The following DIAPH2 variants were observed in gnomAD, a reference collection of about 807,000 sequenced individuals.
The protein encoded by DIAPH2 is protein diaphanous homolog 2.
Under a neutral mutation model 92.7 loss-of-function variants are expected in DIAPH2, and 35 were observed. That is an observed-to-expected ratio of 0.38 (90% CI 0.29 to 0.50). The LOEUF (loss-of-function observed/expected upper bound fraction) is 0.50. Among genes scored for constraint, DIAPH2 ranks in the 20% least tolerant of loss-of-function variants. The pLI is 0.94. For synonymous variants in DIAPH2, 301 were observed against 280.4 expected (o/e 1.07, Z -0.73); for missense variants, 701 against 819.5 (o/e 0.86, Z 1.77).
chrX:96,759,399 G>A (rs1373449838), intron 4 of DIAPH2, among the ~76,000 whole-genome samples: 1 of 111,481 alleles, frequency 9.0e-6, no homozygotes, highest in Non-Finnish European at 1.9e-5. Flanking sequence ...GCAACAGCAT[G>A]TTTTTAAATT....
At chrX:96,759,389 G>A (rs2064253640) in intron 4 of DIAPH2, among the ~76,000 whole-genome samples, 1 of 111,488 alleles carries the variant, frequency 9.0e-6, no homozygotes, top group South Asian at 3.7e-4. Flanking sequence ...CCATAGCAGA[G>A]CAACAGCATG....
chrX:97,127,050 A>G (rs1243137950), intron 21 of DIAPH2, among the ~76,000 whole-genome samples: 1 of 112,510 alleles, frequency 8.9e-6, no homozygotes, highest in African/African-American at 3.2e-5. Context: ...AAATATTAGT[A>G]TTTTAAATTT....
intron 22 of DIAPH2, among the ~76,000 whole-genome samples, chrX:97,158,161 A>G (rs1416420723): frequency 8.9e-6 from 1 of 112,123 alleles, no homozygotes; most frequent in African/African-American, 3.2e-5. Flanking sequence ...AAAATGGGAA[A>G]TGACTGTGAT....
intron 1 of DIAPH2, among the ~76,000 whole-genome samples, chrX:96,721,916 A>G (rs915180123): frequency 8.9e-6 from 1 of 112,513 alleles, no homozygotes; most frequent in African/African-American, 3.2e-5. Context: ...TGCCTGGCAC[A>G]TAGAAGGTGC....
chrX:96,865,199 A>C (rs2065097058), intron 4 of DIAPH2, among the ~76,000 whole-genome samples: 1 of 112,213 alleles, frequency 8.9e-6, no homozygotes, highest in African/African-American at 3.2e-5. Flanking sequence ...TTTTTTGTTA[A>C]GATGCCATTT....
chrX:97,477,010 CACACACACACACACAT>C (rs2070613356), intron 26 of DIAPH2, among the ~76,000 whole-genome samples: 3 of 95,069 alleles, frequency 3.2e-5, no homozygotes, highest in East Asian at 6.4e-4. Flanking sequence ...CACACACACA[CACACACACACACACAT>C]ACACACACAC....
At position 97,452,971 on chromosome X, in the gene DIAPH2, A is replaced by G. The variant is rs141124116; in HGVS notation, c.3241+23226A>G. On this transcript the variant is annotated intron_variant, in intron 26 of 26. Coordinates refer to ENST00000324765, the MANE Select transcript of DIAPH2 (RefSeq NM_006729.5). The stretch of plus-strand genomic sequence containing the variant: ...TTTCTCTTTTAAAATGTTTTCCATT[A>G]TTAAAGGTAATGTATGTTCATTGTA... Among the ~76,000 whole-genome samples, 940 of 112,064 alleles carry G rather than the reference A, an allele frequency of 8.4e-3. 16 individuals are homozygous for G. Among genetic ancestry groups the G allele is most frequent in the African/African-American group, 0.029 (890 of 30,910 alleles).
intron 23 of DIAPH2, among the ~76,000 whole-genome samples, chrX:97,340,077 C>T (rs2069099556): frequency 9.0e-6 from 1 of 111,496 alleles, no homozygotes; most frequent in Non-Finnish European, 1.9e-5. Context: ...ATCATCCTCC[C>T]CAGAGTGTCC....
chrX:97,493,737 T>C (rs890991436), intron 26 of DIAPH2, among the ~76,000 whole-genome samples: 3 of 103,397 alleles, frequency 2.9e-5, no homozygotes, highest in African/African-American at 1.1e-4. Context: ...ATTACAAAAA[T>C]TAGCCAGTTG....
intron 22 of DIAPH2, among the ~76,000 whole-genome samples, chrX:97,193,010 TTC>T (rs1455879042): frequency 2.0e-5 from 2 of 102,251 alleles, no homozygotes; most frequent in African/African-American, 8.1e-5. Context: ...TCTTTTTCTT[TTC>T]TTTTTTTTTT....
At chrX:96,700,386 C>G (rs564903729) in intron 1 of DIAPH2, among the ~76,000 whole-genome samples, 2 of 112,353 alleles carry the variant, frequency 1.8e-5, no homozygotes, top group South Asian at 7.3e-4. Flanking sequence ...GCTTTGTTTG[C>G]CTTCCATCTC....
At chrX:97,176,859 G>A (rs1339747960) in intron 22 of DIAPH2, among the ~76,000 whole-genome samples, 1 of 111,742 alleles carries the variant, frequency 8.9e-6, no homozygotes, top group Admixed American at 9.5e-5. Context: ...TGCAGATTCC[G>A]AAATTCGTGG....
intron 19 of DIAPH2, among the ~76,000 whole-genome samples, chrX:97,086,874 G>A (rs1365178257): frequency 2.7e-5 from 3 of 111,227 alleles, no homozygotes; most frequent in Non-Finnish European, 5.7e-5. Flanking sequence ...TGTTTGACCT[G>A]TTTTTCCTTG....
intron 26 of DIAPH2, among the ~76,000 whole-genome samples, chrX:97,431,057 A>G (rs921391958): frequency 5.2e-4 from 58 of 112,267 alleles, no homozygotes; most frequent in African/African-American, 1.9e-3. Flanking sequence ...GTCTGTATTT[A>G]TAAGTTCATA....
chrX:96,888,544 G>GAT (rs1223926440), intron 5 of DIAPH2, among the ~76,000 whole-genome samples: 1 of 91,284 alleles, frequency 1.1e-5, no homozygotes, highest in Non-Finnish European at 2.1e-5. Context: ...TATACATACA[G>GAT]ATATATATAT....
chrX:97,441,205 C>T (rs893422017), intron 26 of DIAPH2, among the ~76,000 whole-genome samples: 74 of 108,863 alleles, frequency 6.8e-4, no homozygotes, highest in African/African-American at 2.3e-3. Context: ...CACCTGAGGT[C>T]GGGAGTTCGA....
chrX:97,582,508 T>A (rs2071447555), intron 26 of DIAPH2, among the ~76,000 whole-genome samples: 1 of 110,795 alleles, frequency 9.0e-6, no homozygotes, highest in African/African-American at 3.3e-5. Context: ...TGGCCCCCAC[T>A]CTCTTCTGGC....
chrX:97,136,247 T>C (rs2067169455), intron 21 of DIAPH2, among the ~76,000 whole-genome samples: 2 of 111,998 alleles, frequency 1.8e-5, no homozygotes, highest in Non-Finnish European at 3.8e-5. Context: ...ACACTTCTTA[T>C]CTGGATGATG....
chrX:96,954,566 G>A (rs2065797804), intron 15 of DIAPH2, among the ~76,000 whole-genome samples: 1 of 111,903 alleles, frequency 8.9e-6, no homozygotes, highest in African/African-American at 3.2e-5. Context: ...TGAAAAGACA[G>A]TCTTTTATAT....
Sources: gnomAD v4.1 joint callset for allele counts (sites outside exome capture counted in the v4.1 genomes callset) on GRCh38, gnomAD v4.1.1 for gene constraint, MANE v1.5 for transcripts, NCBI Gene and HGNC (gene_info 2026-07-23, HGNC 2026-07-21) for gene names.